NCKAP5: variants seen among roughly 807,000 people sequenced by gnomAD.
The protein encoded by NCKAP5 is nck-associated protein 5.
Under a neutral mutation model 167.0 loss-of-function variants are expected in NCKAP5, and 92 were observed. The ratio of observed to expected loss-of-function variants is 0.55; its 90% CI spans 0.47 to 0.66. The LOEUF is 0.66. Ranked by LOEUF, NCKAP5 falls within the 30% of genes least tolerant of loss-of-function variation. The pLI is 0.00. For synonymous variants in NCKAP5, 891 were observed against 877.4 expected (o/e 1.02, Z -0.27); for missense variants, 2,378 against 2,315.0 (o/e 1.03, Z -0.56).
intron 6 of NCKAP5, among the ~76,000 whole-genome samples, chr2:133,095,728 T>C (rs770634698): frequency 6.6e-6 from 1 of 152,198 alleles, no homozygotes; most frequent in Non-Finnish European, 1.5e-5. Context: ...ATGTGCTCAA[T>C]AGAGACATAA....
At chr2:132,792,994 CTGTTT>C (rs570903207) in intron 12 of NCKAP5, among the ~76,000 whole-genome samples, 21 of 152,006 alleles carry the variant, frequency 1.4e-4, no homozygotes, top group Admixed American at 3.3e-4. Flanking sequence ...TTGAGATGCT[CTGTTT>C]TGTTTTGTTT....
intron 8 of NCKAP5, among the ~76,000 whole-genome samples, chr2:132,891,419 C>G (rs1692701975): frequency 6.6e-6 from 1 of 152,168 alleles, no homozygotes; most frequent in Non-Finnish European, 1.5e-5. Context: ...CCTTCTTCCC[C>G]CATGCTGCCA....
intron 16 of NCKAP5, among the ~76,000 whole-genome samples, chr2:132,749,659 T>C (rs1207507385): frequency 6.6e-6 from 1 of 152,218 alleles, no homozygotes; most frequent in Non-Finnish European, 1.5e-5. Flanking sequence ...GAAGAGGTTC[T>C]GGTCTTTGGT....
chr2:133,412,094 C>T (rs1373138082), intron 3 of NCKAP5, among the ~76,000 whole-genome samples: 1 of 152,134 alleles, frequency 6.6e-6, no homozygotes, highest in Non-Finnish European at 1.5e-5. Context: ...ACGTACTCCC[C>T]GGATTTTATA....
rs371859519 is a variant in NCKAP5 at position 133,080,174 on chromosome 2, C to A, written c.341+49804G>T. 5.9e-5 allele frequency among the ~76,000 whole-genome samples: 9 copies of A among 152,212 alleles called. 1 individual carries two copies. In the East Asian group the frequency reaches 1.5e-3, roughly 26 times the overall value. ...ATATTGAACCAATTAATACTCCTGGCAGCACTGTGTGTATGTGTCCAGAAT... is the reference window on the plus strand; with the variant it reads ...ATATTGAACCAATTAATACTCCTGGAAGCACTGTGTGTATGTGTCCAGAAT... On this transcript the variant is annotated intron_variant, in intron 6 of 19. Transcript: ENST00000409261.
At chr2:132,816,514 C>T (rs547851731) in intron 11 of NCKAP5, among the ~76,000 whole-genome samples, 3 of 152,222 alleles carry the variant, frequency 2.0e-5, no homozygotes, top group African/African-American at 7.2e-5. Context: ...GGCACTCCTC[C>T]CTTGACAGGA....
chr2:132,967,162 TACACACACACACACACACACACACACAC>T (rs149896546), intron 7 of NCKAP5, among the ~76,000 whole-genome samples: 1 of 141,730 alleles, frequency 7.1e-6, no homozygotes, highest in Non-Finnish European at 1.5e-5. Context: ...TGCCCTATCG[TACACACACACACACACACACACACACAC>T]ACACACACAC....
At chr2:133,268,530 T>A (rs1009256833) in intron 4 of NCKAP5, 1 of 144,632 alleles carries the variant, frequency 6.9e-6, no homozygotes, top group Non-Finnish European at 1.5e-5. Context: ...TCACCCAGGC[T>A]GCAGTGCACT....
chr2:132,911,955 C>A (rs2148957150), intron 8 of NCKAP5, among the ~76,000 whole-genome samples: 1 of 151,990 alleles, frequency 6.6e-6, no homozygotes, highest in Non-Finnish European at 1.5e-5. Context: ...GGAGGCACGC[C>A]CACAGTGTCT....
At chr2:132,955,097 C>T (rs1239766194) in intron 8 of NCKAP5, among the ~76,000 whole-genome samples, 1 of 152,166 alleles carries the variant, frequency 6.6e-6, no homozygotes, top group Non-Finnish European at 1.5e-5. Context: ...TTCAGAATAC[C>T]ACTGGCACGT....
intron 3 of NCKAP5, among the ~76,000 whole-genome samples, chr2:133,473,299 T>A (rs1425146992): frequency 2.0e-5 from 3 of 151,726 alleles, no homozygotes; most frequent in African/African-American, 7.3e-5. Flanking sequence ...GCCACTGCAC[T>A]CCAGCCTGGG....
At chr2:133,463,681 T>C (rs1479772018) in intron 3 of NCKAP5, among the ~76,000 whole-genome samples, 1 of 152,242 alleles carries the variant, frequency 6.6e-6, no homozygotes, top group Non-Finnish European at 1.5e-5. Flanking sequence ...GTTTATTCCA[T>C]GTTTCCTACT....
At chr2:133,183,688 C>G (rs1174845263) in intron 5 of NCKAP5, among the ~76,000 whole-genome samples, 1 of 152,150 alleles carries the variant, frequency 6.6e-6, no homozygotes, top group African/African-American at 2.4e-5. Context: ...AGACTGTCCA[C>G]TTTCACTAAT....
chr2:133,026,715 C>T (rs763657220), intron 6 of NCKAP5, among the ~76,000 whole-genome samples: 3 of 152,180 alleles, frequency 2.0e-5, no homozygotes, highest in African/African-American at 4.8e-5. Context: ...TTGCAGGGAA[C>T]TATCCTTGGT....
chr2:133,170,823 C>T (rs534557178), intron 5 of NCKAP5, among the ~76,000 whole-genome samples: 1 of 152,200 alleles, frequency 6.6e-6, no homozygotes, highest in South Asian at 2.1e-4. Flanking sequence ...CTTTTTGGCC[C>T]TGAGACATTT....
intron 3 of NCKAP5, among the ~76,000 whole-genome samples, chr2:133,345,328 A>G (rs1302307763): frequency 6.6e-6 from 1 of 152,096 alleles, no homozygotes; most frequent in Admixed American, 6.6e-5. Context: ...TTTTGACATT[A>G]AAGTTTACTT....
the NCKAP5 span, among the ~76,000 whole-genome samples, chr2:133,649,169 C>T: frequency 6.7e-6 from 1 of 149,590 alleles, no homozygotes; most frequent in Non-Finnish European, 1.5e-5. Flanking sequence ...AAACATATAA[C>T]CTATCAAGAC....
At chr2:132,740,947 T>G (rs915443097) in intron 16 of NCKAP5, among the ~76,000 whole-genome samples, 3 of 152,138 alleles carry the variant, frequency 2.0e-5, no homozygotes, top group Non-Finnish European at 2.9e-5. Flanking sequence ...CAGGCTAAGT[T>G]GGTATCCAGT....
At chr2:132,913,190 C>A (rs540095225) in intron 8 of NCKAP5, among the ~76,000 whole-genome samples, 29 of 152,076 alleles carry the variant, frequency 1.9e-4, no homozygotes, top group South Asian at 1.0e-3. Context: ...CCACCATGTG[C>A]CAAGTTCCTA....
Sources: allele counts gnomAD v4.1 joint callset (sites outside exome capture counted in the v4.1 genomes callset), GRCh38; gene constraint gnomAD v4.1.1; transcripts MANE v1.5; gene names NCBI Gene and HGNC (gene_info 2026-07-23, HGNC 2026-07-21).